The following WASF3 variants were observed in gnomAD, a reference collection of about 807,000 sequenced individuals.
The protein encoded by WASF3 is WASP family member 3.
In WASF3, 11 loss-of-function variants were observed where a neutral mutation model predicts 46.6. The ratio of observed to expected loss-of-function variants is 0.24; its 90% CI spans 0.15 to 0.39. WASF3 has a LOEUF of 0.39. Ranked by LOEUF, WASF3 falls within the 10% of genes least tolerant of loss-of-function variation. The pLI is 1.00. For synonymous variants in WASF3, 242 were observed against 259.7 expected (o/e 0.93, Z 0.65); for missense variants, 576 against 669.8 (o/e 0.86, Z 1.55).
intron 1 of WASF3, among the ~76,000 whole-genome samples, chr13:26,584,364 T>C (rs114955216): frequency 2.5e-4 from 38 of 152,260 alleles, no homozygotes; most frequent in African/African-American, 8.7e-4. Flanking sequence ...TTCTCTAAGG[T>C]GCTTATTTGT....
chr13:26,562,466 A>G (rs1365749872), intron 1 of WASF3, among the ~76,000 whole-genome samples: 1 of 152,252 alleles, frequency 6.6e-6, no homozygotes, highest in East Asian at 1.9e-4. Flanking sequence ...GCATGTGTAG[A>G]CAGCAATGCT....
At chr13:26,629,083 G>A (rs1250244791) in intron 2 of WASF3, among the ~76,000 whole-genome samples, 1 of 152,216 alleles carries the variant, frequency 6.6e-6, no homozygotes, top group African/African-American at 2.4e-5. Context: ...ATGGGCCCAC[G>A]CTCGACGTCC....
chr13:26,656,160 C>T (rs1882458705), intron 3 of WASF3, among the ~76,000 whole-genome samples: 1 of 152,064 alleles, frequency 6.6e-6, no homozygotes, highest in African/African-American at 2.4e-5. Context: ...AGCTGAAAAT[C>T]CACGTACAGT....
At chr13:26,638,542 AGGC>A (rs1881898518) in intron 2 of WASF3, 1 of 152,228 alleles carries the variant, frequency 6.6e-6, no homozygotes, top group Non-Finnish European at 1.5e-5. Flanking sequence ...AGGAATCAAG[AGGC>A]GTACTTAAGT....
rs889250735 is a variant in WASF3 at position 26,608,041 on chromosome 13, AC to A, written c.-108-4913del. Reference sequence around the variant, plus strand: ...AGTCCGAAATAATGTACCCCTCCCCACCCCCCCGTCCCCCTTAAACTGTGTT... The same window carrying A: ...AGTCCGAAATAATGTACCCCTCCCCACCCCCCGTCCCCCTTAAACTGTGTT... On this transcript the variant is annotated intron_variant, in intron 1 of 9. Coordinates refer to ENST00000335327, the MANE Select transcript of WASF3 (RefSeq NM_006646.6). Among the ~76,000 whole-genome samples, 9 of 47,698 alleles carry A rather than the reference AC, an allele frequency of 1.9e-4. No homozygotes were observed. In the South Asian group the frequency reaches 4.1e-3, roughly 21 times the overall value. The allele number at this position is 47,698 out of a possible 152,430, so 31.3% of individuals were successfully genotyped here. A position where few individuals can be genotyped will look rare whatever the true frequency, so the allele number is the denominator to read the frequency against.
chr13:26,674,841 T>A (rs955999857), intron 6 of WASF3, among the ~76,000 whole-genome samples: 18 of 152,356 alleles, frequency 1.2e-4, no homozygotes, highest in African/African-American at 4.3e-4. Context: ...TTGCCCGTAA[T>A]CTTTAAAAGA....
At chr13:26,664,714 A>C (rs1882721182) in intron 3 of WASF3, among the ~76,000 whole-genome samples, 1 of 152,260 alleles carries the variant, frequency 6.6e-6, no homozygotes, top group South Asian at 2.1e-4. Context: ...TTGTATTTAC[A>C]CTTAAAGCGT....
At chr13:26,565,503 AAAAC>A (rs1280324465) in intron 1 of WASF3, among the ~76,000 whole-genome samples, 1 of 152,252 alleles carries the variant, frequency 6.6e-6, no homozygotes, top group Non-Finnish European at 1.5e-5. Flanking sequence ...ACATTTAAAA[AAAAC>A]CAGCCCTGTA....
intron 2 of WASF3, chr13:26,638,040 G>A (rs1881882718): frequency 6.6e-6 from 1 of 152,316 alleles, no homozygotes; most frequent in South Asian, 2.1e-4. Flanking sequence ...CTTGCAGTGG[G>A]GAGGAGAGGG....
At chr13:26,560,987 G>A (rs1327746721) in intron 1 of WASF3, among the ~76,000 whole-genome samples, 2 of 152,168 alleles carry the variant, frequency 1.3e-5, no homozygotes, top group Admixed American at 1.3e-4. Context: ...TCGAAGTCTG[G>A]GTTGAGGAGA....
intron 2 of WASF3, among the ~76,000 whole-genome samples, chr13:26,623,773 C>G (rs1881382832): frequency 1.3e-5 from 2 of 152,140 alleles, no homozygotes; most frequent in Admixed American, 6.5e-5. Context: ...ACAGTCATCT[C>G]TGGAGAGCAA....
chr13:26,659,190 G>A (rs1439523678), intron 3 of WASF3, among the ~76,000 whole-genome samples: 7 of 152,208 alleles, frequency 4.6e-5, no homozygotes, highest in Admixed American at 4.6e-4. Context: ...CACTTAGAAG[G>A]TGACATTTGG....
At chr13:26,653,270 TCTGTG>T (rs1331635172) in intron 3 of WASF3, among the ~76,000 whole-genome samples, 2 of 152,138 alleles carry the variant, frequency 1.3e-5, no homozygotes, top group African/African-American at 4.8e-5. Flanking sequence ...TCCCCCTCTT[TCTGTG>T]TCATTCTCAT....
chr13:26,603,092 C>T lies in WASF3; in HGVS notation c.-108-9869C>T, dbSNP rs1478342767. Among the ~76,000 whole-genome samples, 3 of 152,244 alleles carry T rather than the reference C, an allele frequency of 2.0e-5. No individual in the cohort carries two copies. In the South Asian group the frequency reaches 6.2e-4, roughly 32 times the overall value. On this transcript the variant is annotated intron_variant, in intron 1 of 9. Transcript: ENST00000335327. ...AGGTAAGAGTAACTGCTGTTGGTAC[C>T]TCTGTTAAATTTGTCTTTCTCCTGA...
intron 1 of WASF3, among the ~76,000 whole-genome samples, chr13:26,607,978 G>A (rs1880852271): frequency 6.6e-6 from 1 of 150,718 alleles, no homozygotes; most frequent in African/African-American, 2.4e-5. Flanking sequence ...ATTCCATTCT[G>A]GTTTGGTGTG....
At chr13:26,626,617 C>T (rs143395476) in intron 2 of WASF3, among the ~76,000 whole-genome samples, 10 of 152,288 alleles carry the variant, frequency 6.6e-5, no homozygotes, top group African/African-American at 2.4e-4. Context: ...AAAAGCAACA[C>T]AACCGTATGC....
intron 3 of WASF3, among the ~76,000 whole-genome samples, chr13:26,652,291 C>T (rs919683148): frequency 7.9e-5 from 12 of 152,210 alleles, no homozygotes; most frequent in African/African-American, 2.9e-4. Context: ...TAAGCCAGGA[C>T]CTTTAATGGT....
intron 1 of WASF3, among the ~76,000 whole-genome samples, chr13:26,562,980 C>T (rs1281493622): frequency 6.6e-6 from 1 of 150,818 alleles, no homozygotes; most frequent in Non-Finnish European, 1.5e-5. Flanking sequence ...TTAAGAACAC[C>T]TTTTGTCTTC....
At chr13:26,572,545 C>T (rs531345778) in intron 1 of WASF3, among the ~76,000 whole-genome samples, 34 of 152,172 alleles carry the variant, frequency 2.2e-4, no homozygotes, top group African/African-American at 7.2e-4. Context: ...ATTTCCTAAT[C>T]GGAATCATTA....
Sources: allele counts gnomAD v4.1 joint callset (sites outside exome capture counted in the v4.1 genomes callset), GRCh38; gene constraint gnomAD v4.1.1; transcripts MANE v1.5; gene names NCBI Gene and HGNC (gene_info 2026-07-23, HGNC 2026-07-21).